The following PIGR variants were observed in gnomAD, a reference collection of about 807,000 sequenced individuals.
The protein encoded by PIGR is polymeric immunoglobulin receptor, also known as hepatocellular carcinoma associated protein TB6.
In PIGR, 22 loss-of-function variants were observed where a neutral mutation model predicts 69.5. The ratio of observed to expected loss-of-function variants is 0.32; its 90% CI spans 0.23 to 0.45. The LOEUF (loss-of-function observed/expected upper bound fraction) is 0.45. PIGR is among the 20% of genes least tolerant of loss of function. PIGR has a pLI of 1.00. For missense variants in PIGR, 885 were observed against 974.0 expected (o/e 0.91, Z 1.22); for synonymous variants, 413 against 407.6 (o/e 1.01, Z -0.16).
chr1:206,935,767 G>A lies in PIGR; in HGVS notation c.1097C>T (p.Ser366Phe). 1 of 1,613,340 alleles carries A rather than the reference G, an allele frequency of 6.2e-7. No individual in the cohort carries two copies. The highest frequency in any genetic ancestry group is 8.5e-7 in the Non-Finnish European group (1 of 1,179,418). ...GTTGTAGGGGCAGAGCACGGCCACA[G>A]AGCCTCCTGCCACCCCCTTCACCAC... ...PTVVKGVAGG[S>F]VAVLCPYNRK... Residue 366 changes from serine (S) to phenylalanine (F), a missense_variant, in exon 5 of 11, where the codon TCT (serine) becomes TTT (phenylalanine). Coordinates refer to ENST00000356495, the MANE Select transcript of PIGR (RefSeq NM_002644.4). The surrounding 1 kb of genome is among the most constrained non-coding windows in gnomAD (Gnocchi z 4.4).
At chr1:206,941,660 C>A (rs115128918) in intron 1 of PIGR, among the ~76,000 whole-genome samples, 2 of 152,298 alleles carry the variant, frequency 1.3e-5, no homozygotes, top group African/African-American at 4.8e-5. Context: ...GATGAAGAAT[C>A]GAAGATGAGA....
chr1:206,935,899 G>A lies in PIGR; in HGVS notation c.1046-81C>T. ...GTGGCCTGAGAAGCCTTCTTCCCGG[G>A]GTCTCAGCCAGGATGGGGAGTGAAG... On this transcript the variant is annotated intron_variant, in intron 4 of 10. Coordinates refer to ENST00000356495, the MANE Select transcript of PIGR (RefSeq NM_002644.4). This position sits in a 1 kb window ranked among gnomAD's most constrained non-coding sequence, Gnocchi z 4.4. 9.4e-7 allele frequency: 1 copy of A among 1,066,840 alleles called. No individual in the cohort carries two copies. Among genetic ancestry groups the A allele is most frequent in the Non-Finnish European group, 1.4e-6 (1 of 732,080 alleles). 66.1% of individuals were successfully genotyped at this position (1,066,840 alleles called of 1,614,324 possible).
intron 1 of PIGR, among the ~76,000 whole-genome samples, chr1:206,944,936 A>G (rs953579910): frequency 3.3e-5 from 5 of 152,082 alleles, no homozygotes; most frequent in African/African-American, 1.2e-4. Flanking sequence ...AACCCTGCCT[A>G]CCTCCTCGTT....
At chr1:206,933,976 T>C (rs1178107875) in intron 6 of PIGR, among the ~76,000 whole-genome samples, 2 of 152,154 alleles carry the variant, frequency 1.3e-5, no homozygotes, top group African/African-American at 4.8e-5. Context: ...TTCAAGCAAT[T>C]CTCATGCCTC....
chr1:206,938,543 G>C (rs1270930063), intron 3 of PIGR, among the ~76,000 whole-genome samples: 1 of 152,128 alleles, frequency 6.6e-6, no homozygotes, highest in Non-Finnish European at 1.5e-5. Flanking sequence ...TTGTCAGAAA[G>C]AGCTTTTCTT....
At chr1:206,932,854 T>C in intron 7 of PIGR, 132 bp downstream of exon 7, 1 of 916,350 alleles carries the variant, frequency 1.1e-6, no homozygotes, top group Non-Finnish European at 1.7e-6. Context: ...CTCCCACATA[T>C]AAGCAGAGGT....
chr1:206,945,106 T>C (rs896314157), intron 1 of PIGR, among the ~76,000 whole-genome samples: 2 of 152,134 alleles, frequency 1.3e-5, no homozygotes, highest in Non-Finnish European at 2.9e-5. Flanking sequence ...CCTGGCTCAG[T>C]GTTCTTTCTG....
intron 6 of PIGR, 76 bp from the exon 7 acceptor site, chr1:206,933,242 G>A: frequency 7.0e-7 from 1 of 1,418,514 alleles, no homozygotes; most frequent in Non-Finnish European, 9.7e-7. Context: ...GAGTCTGGGG[G>A]AGACTTCATG....
chr1:206,937,725 C>G lies in PIGR; in HGVS notation c.415G>C (p.Val139Leu), dbSNP rs1248827330. The G allele has an allele frequency of 2.5e-6, 4 of 1,613,956 alleles. No homozygotes were observed. Among genetic ancestry groups the G allele is most frequent in the Admixed American group, 1.7e-5 (1 of 60,000 alleles). The part of the protein sequence containing the change: ...QGPGLLNDTK[V>L]YTVDLGRTVT... ...GTTCTGCCCAGGTCCACTGTGTAGACTTTAGTGTCATTTAGGAGCCCAGGA... is the reference window on the plus strand; with the variant it reads ...GTTCTGCCCAGGTCCACTGTGTAGAGTTTAGTGTCATTTAGGAGCCCAGGA... The change falls in exon 4 of 11, where the codon GTC becomes CTC. Residue 139 changes from valine to leucine, a missense_variant. Physicochemically the swap from Val to Leu is conservative, Grantham distance 32. Coordinates refer to ENST00000356495, the MANE Select transcript of PIGR (RefSeq NM_002644.4).
chr1:206,937,181 G>A lies in PIGR; in HGVS notation c.959C>T (p.Ala320Val), dbSNP rs754038974. ...VVITGLRKED[A>V]GRYLCGAHSD... Reference sequence around the variant, plus strand: ...ATGGGCTCCACACAGGTAGCGCCCTGCATCCTCCTTCCTCAGGCCTGTGAT... The same window carrying A: ...ATGGGCTCCACACAGGTAGCGCCCTACATCCTCCTTCCTCAGGCCTGTGAT... The change falls in exon 4 of 11, where the codon GCA (alanine) becomes GTA (valine). Residue 320 changes from alanine (A) to valine (V), a missense_variant. Physicochemically the swap from Ala to Val is moderately conservative, Grantham distance 64. Coordinates refer to ENST00000356495, the MANE Select transcript of PIGR (RefSeq NM_002644.4). 3.3e-5 allele frequency: 53 copies of A among 1,614,028 alleles called. No individual in the cohort carries two copies. Among genetic ancestry groups the A allele is most frequent in the Non-Finnish European group, 4.2e-5 (50 of 1,180,016 alleles).
At position 206,937,130 on chromosome 1, in the gene PIGR, G is replaced by C. The variant is rs748290313; in HGVS notation, c.1010C>G (p.Ser337Trp). The C allele has an allele frequency of 6.2e-7, 1 of 1,610,214 alleles. No homozygotes were observed. The highest frequency in any genetic ancestry group is 8.5e-7 in the Non-Finnish European group (1 of 1,178,084). ...AHSDGQLQEGSPIQAWQLFVN... is the reference protein window; with the variant it reads ...AHSDGQLQEGWPIQAWQLFVN... ...GAAGAGTTGCCAGGCCTGGATAGGC[G>C]AGCCTTCCTGCAGCTGACCATCCGA... Residue 337 changes from serine to tryptophan, a missense_variant, in exon 4 of 11, where the codon TCG (serine) becomes TGG (tryptophan). Ser to Trp is a radical substitution (Grantham distance 177). Transcript: ENST00000356495.
rs1343839060 is a variant in PIGR, at chr1:206,937,827, A to C, written c.389-76T>G. ...TTCTTGCAACATAGGACTATTTGCT[A>C]TTCCTAGTTAGGGTGTGGGTGGACT... is the stretch of plus-strand genomic sequence containing the variant. On this transcript the variant is annotated intron_variant, in intron 3 of 10. Transcript: ENST00000356495. The C allele has an allele frequency of 1.3e-5, 17 of 1,342,138 alleles. No individual in the cohort carries two copies. In the South Asian group the frequency reaches 2.1e-4, roughly 16 times the overall value. The allele number at this position is 1,342,138 out of a possible 1,614,324, so 83.1% of individuals were successfully genotyped here.
chr1:206,934,713 G>T lies in PIGR; in HGVS notation c.1412C>A (p.Thr471Lys), dbSNP rs549375857. The change falls in exon 6 of 11, where the codon ACG becomes AAG. Residue 471 changes from threonine to lysine, a missense_variant. Thr to Lys is a moderately conservative substitution (Grantham distance 78). Coordinates refer to ENST00000356495, the MANE Select transcript of PIGR (RefSeq NM_002644.4). ...CTTGAGAGTCTCTCCCAGCACAGCC[G>T]TGACATTCCCTGGTACCTTGAGGTT... ...EPNLKVPGNVTAVLGETLKVP... is the reference protein window; with the variant it reads ...EPNLKVPGNVKAVLGETLKVP... 9.3e-6 allele frequency: 15 copies of T among 1,610,038 alleles called. No individual in the cohort carries two copies. The highest frequency in any genetic ancestry group is 1.7e-5 in the Admixed American group (1 of 59,996).
rs759098838 is a variant in PIGR at position 206,939,250 on chromosome 1, T to A, written c.257A>T (p.Asn86Ile). The part of the protein sequence containing the change: ...SKYAGRANLT[N>I]FPENGTFVVN... Reference sequence around the variant, plus strand: ...CACAAATGTGCCGTTCTCCGGGAAGTTGGTGAGGTTAGCCCTGCCTGCATA... The same window carrying A: ...CACAAATGTGCCGTTCTCCGGGAAGATGGTGAGGTTAGCCCTGCCTGCATA... Residue 86 changes from asparagine (N) to isoleucine (I), a missense_variant, in exon 3 of 11, where the codon AAC becomes ATC. Physicochemically the swap from Asn to Ile is moderately radical, Grantham distance 149. Coordinates refer to ENST00000356495, the MANE Select transcript of PIGR (RefSeq NM_002644.4). 1 of 1,614,190 alleles carries A rather than the reference T, an allele frequency of 6.2e-7. No homozygotes were observed. The highest frequency in any genetic ancestry group is 1.1e-5 in the South Asian group (1 of 91,072).
At chr1:206,938,424 T>C (rs1679910903) in intron 3 of PIGR, among the ~76,000 whole-genome samples, 2 of 152,224 alleles carry the variant, frequency 1.3e-5, no homozygotes, top group Non-Finnish European at 2.9e-5. Flanking sequence ...AGTATGCATA[T>C]TCCAAAGGAG....
In PIGR at chr1:206,932,494, GC is replaced by G; in HGVS notation, c.1969del (p.Ala657LeufsTer173). 6.2e-7 allele frequency: 1 copy of G among 1,613,212 alleles called. No individual in the cohort carries two copies. The highest frequency in any genetic ancestry group is 1.9e-4 in the Middle Eastern group (1 of 5,346). On this transcript the variant is annotated frameshift_variant, in exon 8 of 11. Transcript: ENST00000356495. LOFTEE classifies it high-confidence loss of function. ...GTGCCGGGCTCTGGCCACCCCCACA[GC>G]CACGGCTCCCACTGCCAGCACCAGG... ...LGLVLAVGAV[A>X]VGVARARHRK...
rs1447578825 is a variant in PIGR at position 206,935,038 on chromosome 1, G to T, written c.1379-292C>A. ...CATGTTCAGTCTACATATCCTCTTT[G>T]GATAGCATTAGAAATAAGTATGTTA... On this transcript the variant is annotated intron_variant, in intron 5 of 10. Transcript: ENST00000356495. This position sits in a 1 kb window ranked among gnomAD's most constrained non-coding sequence, Gnocchi z 4.4. 2.0e-5 allele frequency among the ~76,000 whole-genome samples: 3 copies of T among 151,986 alleles called. No individual in the cohort carries two copies. The highest frequency in any genetic ancestry group is 4.8e-5 in the African/African-American group (2 of 41,358).
intron 2 of PIGR, among the ~76,000 whole-genome samples, 181 bp downstream of exon 2, chr1:206,940,308 C>T (rs1679956843): frequency 6.6e-6 from 1 of 152,192 alleles, no homozygotes. Flanking sequence ...CCCTGACTTC[C>T]AATGCTCACA....
At chr1:206,931,348 A>C in intron 10 of PIGR, 149 bp downstream of exon 10, 1 of 1,536,606 alleles carries the variant, frequency 6.5e-7, no homozygotes, top group African/African-American at 1.4e-5. Context: ...CTTCCTCAAA[A>C]AGTCCTGAGG....
Sources: allele counts gnomAD v4.1 joint callset (sites outside exome capture counted in the v4.1 genomes callset), GRCh38; gene constraint gnomAD v4.1.1; non-coding constraint Gnocchi (gnomAD v3.1); transcripts MANE v1.5; gene names NCBI Gene and HGNC (gene_info 2026-07-23, HGNC 2026-07-21).